The following ARFGEF3 variants were observed in gnomAD, a reference collection of about 807,000 sequenced individuals.
ARFGEF3 encodes the protein brefeldin A-inhibited guanine nucleotide-exchange protein 3.
In ARFGEF3, 96 loss-of-function variants were observed where a neutral mutation model predicts 221.7. That is an observed-to-expected ratio of 0.43 (90% CI 0.37 to 0.51). The LOEUF (loss-of-function observed/expected upper bound fraction) is 0.51, where lower values mean the gene tolerates loss of function less well. Among genes scored for constraint, ARFGEF3 ranks in the 20% least tolerant of loss-of-function variants. The probability of loss-of-function intolerance (pLI) is 0.00; values close to 1 mark genes in which losing one functional copy is unlikely to be tolerated. For synonymous variants in ARFGEF3, 1,145 were observed against 1,126.8 expected, an observed-to-expected ratio of 1.02 and a Z score of -0.32; for missense variants, 2,410 against 2,789.9, an observed-to-expected ratio of 0.86 and a Z score of 3.07.
rs1780465055 is a variant in ARFGEF3, at chr6:138,343,463, T to A, written c.*6977T>A. 7.4e-6 allele frequency: 1 copy of A among 134,922 alleles called. No homozygotes were observed. The highest frequency in any genetic ancestry group is 1.9e-4 in the East Asian group (1 of 5,198). 8.4% of individuals were successfully genotyped at this position (134,922 alleles called of 1,614,324 possible). A position where few individuals can be genotyped will look rare whatever the true frequency, so the allele number is the denominator to read the frequency against. ...TGTGGATGGAAATAAGGGTGTTTTT[T>A]TTTGGTTTTTTTTTTACTTTAGTTT... On this transcript the variant is annotated 3_prime_UTR_variant, in exon 34 of 34. Coordinates refer to ENST00000251691, the MANE Select transcript of ARFGEF3 (RefSeq NM_020340.5).
At chr6:138,287,274 G>A in intron 17 of ARFGEF3, 90 bp downstream of exon 17, 2 of 960,342 alleles carry the variant, frequency 2.1e-6, no homozygotes, top group Non-Finnish European at 3.2e-6. Context: ...CAACACTCGT[G>A]CCTGTTCTGT....
chr6:138,333,374 ACT>A (rs1178483687), intron 32 of ARFGEF3, among the ~76,000 whole-genome samples: 1 of 152,204 alleles, frequency 6.6e-6, no homozygotes, highest in African/African-American at 2.4e-5. Context: ...GTCACAGTTA[ACT>A]CTCTGATATC....
At position 138,205,195 on chromosome 6, in the gene ARFGEF3, G is replaced by A. The variant is rs183115780; in HGVS notation, c.138-1847G>A. Among the ~76,000 whole-genome samples the A allele has an allele frequency of 6.0e-4, 91 of 152,318 alleles. 1 individual carries two copies. The highest frequency in any genetic ancestry group is 1.1e-3 in the Non-Finnish European group (75 of 68,024). ...GCTGCTGGACATGGCATCCAATCTT[G>A]TTGGGTGCCCTTGGTGAGTAATGTG... On this transcript the variant is annotated intron_variant, in intron 2 of 33. Transcript: ENST00000251691.
At chr6:138,273,387 GT>G (rs367644754) in intron 12 of ARFGEF3, among the ~76,000 whole-genome samples, 4 of 152,310 alleles carry the variant, frequency 2.6e-5, no homozygotes, top group African/African-American at 9.6e-5. Flanking sequence ...CCATCCTCCT[GT>G]TTCCACAGTA....
At chr6:138,192,626 G>T (rs1305668582) in intron 2 of ARFGEF3, among the ~76,000 whole-genome samples, 1 of 152,234 alleles carries the variant, frequency 6.6e-6, no homozygotes, top group African/African-American at 2.4e-5. Context: ...GTGATTGTGG[G>T]TTGGGATTGG....
At position 138,296,935 on chromosome 6, in the gene ARFGEF3, G is replaced by A. The variant is rs1305311557; in HGVS notation, c.3628G>A (p.Val1210Met). The change falls in exon 21 of 34, where the codon GTG (valine) becomes ATG (methionine). Residue 1210 changes from valine (V) to methionine (M), a missense_variant. Around this residue, in one of 5 missense-constraint regions of ARFGEF3, gnomAD observed 723 missense variants for 991.9 expected, o/e 0.73. Coordinates refer to ENST00000251691, the MANE Select transcript of ARFGEF3 (RefSeq NM_020340.5). ...LLHVMRCWSL[V>M]APHLVEAACH... ...CCACGTGATGCGCTGCTGGAGCCTTGTGGCCCCACACCTGGTGGAGGTGAG... is the reference window on the plus strand; with the variant it reads ...CCACGTGATGCGCTGCTGGAGCCTTATGGCCCCACACCTGGTGGAGGTGAG... 5.0e-6 allele frequency: 8 copies of A among 1,613,440 alleles called. No individual in the cohort carries two copies. Among genetic ancestry groups the A allele is most frequent in the Non-Finnish European group, 6.8e-6 (8 of 1,179,700 alleles).
In ARFGEF3 at chr6:138,291,470, C is replaced by T. The variant is rs1020477887; in HGVS notation, c.3048-263C>T. ...ACTGGATGAACTGGGCTTCATTGCCCGTCTTTCTCCCAGCCTGGGGTGGGA... is the reference window on the plus strand; with the variant it reads ...ACTGGATGAACTGGGCTTCATTGCCTGTCTTTCTCCCAGCCTGGGGTGGGA... On this transcript the variant is annotated intron_variant, in intron 18 of 33. Transcript: ENST00000251691. This position sits in a 1 kb window ranked among gnomAD's most constrained non-coding sequence, Gnocchi z 4.5. Among the ~76,000 whole-genome samples the T allele has an allele frequency of 1.6e-4, 24 of 152,120 alleles. No homozygotes were observed. Among genetic ancestry groups the T allele is most frequent in the African/African-American group, 5.3e-4 (22 of 41,410 alleles).
chr6:138,296,555 C>G (rs1779523859), intron 20 of ARFGEF3, among the ~76,000 whole-genome samples: 1 of 152,136 alleles, frequency 6.6e-6, no homozygotes, highest in Non-Finnish European at 1.5e-5. Flanking sequence ...CTCATTCCCT[C>G]TTATCATCAA....
intron 5 of ARFGEF3, among the ~76,000 whole-genome samples, chr6:138,235,638 A>G (rs958863612): frequency 3.9e-5 from 6 of 152,228 alleles, no homozygotes; most frequent in East Asian, 1.9e-4. Flanking sequence ...GGTCTTGAAT[A>G]CAATGAACAG....
intron 22 of ARFGEF3, among the ~76,000 whole-genome samples, chr6:138,302,510 GAC>G (rs1237536826): frequency 6.6e-6 from 1 of 152,056 alleles, no homozygotes; most frequent in Non-Finnish European, 1.5e-5. Flanking sequence ...AAAAGAGAAA[GAC>G]AAACAGATGG....
At chr6:138,184,725 A>G (rs967126280) in intron 2 of ARFGEF3, among the ~76,000 whole-genome samples, 2 of 152,220 alleles carry the variant, frequency 1.3e-5, no homozygotes, top group African/African-American at 2.4e-5. Context: ...ATGTTGCTCT[A>G]TCAGTGTGTT....
At chr6:138,164,528 G>C (rs1776683217) in intron 1 of ARFGEF3, among the ~76,000 whole-genome samples, 2 of 152,146 alleles carry the variant, frequency 1.3e-5, no homozygotes, top group African/African-American at 4.8e-5. Context: ...GACTCTCTTA[G>C]AGTACCTACT....
intron 22 of ARFGEF3, among the ~76,000 whole-genome samples, chr6:138,303,401 A>C (rs769101815): frequency 2.0e-5 from 3 of 152,374 alleles, no homozygotes; most frequent in Non-Finnish European, 2.9e-5. Context: ...CCATGTCAAT[A>C]ATGGCATTAA....
intron 32 of ARFGEF3, among the ~76,000 whole-genome samples, chr6:138,330,485 G>A (rs1212815577): frequency 7.9e-5 from 12 of 152,106 alleles, no homozygotes; most frequent in South Asian, 2.1e-4. Context: ...AATTGGTATC[G>A]TTTCACAACC....
At chr6:138,323,176 A>G (rs1282746224) in intron 29 of ARFGEF3, among the ~76,000 whole-genome samples, 1 of 152,278 alleles carries the variant, frequency 6.6e-6, no homozygotes, top group African/African-American at 2.4e-5. Context: ...TGATATTTCT[A>G]TATTAAAATG....
chr6:138,165,107 G>A (rs1488016231), intron 1 of ARFGEF3, among the ~76,000 whole-genome samples: 2 of 150,306 alleles, frequency 1.3e-5, no homozygotes, highest in Non-Finnish European at 3.0e-5. Context: ...GGAGAGAGAG[G>A]TCATCCCCCT....
At chr6:138,260,360 T>C (rs1778768030) in intron 10 of ARFGEF3, among the ~76,000 whole-genome samples, 1 of 152,200 alleles carries the variant, frequency 6.6e-6, no homozygotes. Flanking sequence ...ACTTTGAAGA[T>C]GAATGGACAT....
intron 4 of ARFGEF3, among the ~76,000 whole-genome samples, chr6:138,228,864 T>C (rs901551155): frequency 1.6e-4 from 25 of 152,224 alleles, no homozygotes; most frequent in African/African-American, 5.8e-4. Context: ...GGGTTTGAGA[T>C]CAAGGAGCAG....
intron 4 of ARFGEF3, among the ~76,000 whole-genome samples, chr6:138,218,739 G>A (rs1040022331): frequency 6.6e-6 from 1 of 152,174 alleles, no homozygotes; most frequent in Non-Finnish European, 1.5e-5. Flanking sequence ...GTTTGTATGG[G>A]CAGAGACAAT....
Sources: allele counts gnomAD v4.1 joint callset (sites outside exome capture counted in the v4.1 genomes callset), GRCh38; gene constraint gnomAD v4.1.1; regional missense constraint gnomAD v4.1.1; non-coding constraint Gnocchi (gnomAD v3.1); transcripts MANE v1.5; gene names NCBI Gene and HGNC (gene_info 2026-07-23, HGNC 2026-07-21).